SPEN: variants seen among roughly 807,000 people sequenced by gnomAD.
SPEN encodes the protein msx2-interacting protein.
Under a neutral mutation model 269.9 loss-of-function variants are expected in SPEN, and 18 were observed. The observed-to-expected ratio is 0.07, with a 90% CI of 0.05 to 0.10. The LOEUF (loss-of-function observed/expected upper bound fraction) is 0.10. SPEN is among the 10% of genes least tolerant of loss of function. The pLI, the probability that SPEN is intolerant of heterozygous loss-of-function variation, is 1.00. For synonymous variants in SPEN, 1,726 were observed against 1,765.7 expected (o/e 0.98, Z 0.56); for missense variants, 3,822 against 4,631.2 (o/e 0.83, Z 5.07).
At chr1:15,919,902 A>G (rs1323039788) in intron 8 of SPEN, among the ~76,000 whole-genome samples, 2 of 152,184 alleles carry the variant, frequency 1.3e-5, no homozygotes, top group African/African-American at 4.8e-5. Flanking sequence ...ACACAACAGA[A>G]TATTCATCTA....
intron 1 of SPEN, among the ~76,000 whole-genome samples, chr1:15,867,057 A>G (rs889759158): frequency 6.6e-6 from 1 of 152,192 alleles, no homozygotes; most frequent in Non-Finnish European, 1.5e-5. Flanking sequence ...ATATATTCAC[A>G]GAGTTGCGCA....
At chr1:15,927,253 C>G (rs2071176458) in intron 10 of SPEN, among the ~76,000 whole-genome samples, 1 of 152,160 alleles carries the variant, frequency 6.6e-6, no homozygotes, top group African/African-American at 2.4e-5. Flanking sequence ...ATGGTGCTTG[C>G]AGTCATCCCT....
At position 15,929,470 on chromosome 1, in the gene SPEN, G is replaced by C. The variant is rs1395102530; in HGVS notation, c.3230G>C (p.Gly1077Ala). 6.2e-7 allele frequency: 1 copy of C among 1,613,434 alleles called. No individual in the cohort carries two copies. The highest frequency in any genetic ancestry group is 1.1e-5 in the South Asian group (1 of 90,980). The change falls in exon 11 of 15, where the codon GGC becomes GCC. Residue 1077 changes from glycine to alanine, a missense_variant. Coordinates refer to ENST00000375759, the MANE Select transcript of SPEN (RefSeq NM_015001.3). This position sits in a 1 kb window ranked among gnomAD's most constrained non-coding sequence, Gnocchi z 5.8. ...CTTGCCAGTATTTCTGTTGGGTCTG[G>C]CTCAAGGCCCAGCTCAGACCTACAA... is the stretch of plus-strand genomic sequence containing the variant. ...QELASISVGSGSRPSSDLQAR... is the reference protein window; with the variant it reads ...QELASISVGSASRPSSDLQAR...
Position 15,934,382 on chromosome 1 carries a change from G to T in SPEN, c.8142G>T (p.Thr2714=). 3.7e-6 allele frequency: 6 copies of T among 1,613,592 alleles called. No homozygotes were observed. The highest frequency in any genetic ancestry group is 5.1e-6 in the Non-Finnish European group (6 of 1,180,024). The change falls in exon 11 of 15, where the codon ACG becomes ACT. Residue 2714 remains threonine, a synonymous_variant. Coordinates refer to ENST00000375759, the MANE Select transcript of SPEN (RefSeq NM_015001.3). The surrounding 1 kb of genome is among the most constrained non-coding windows in gnomAD (Gnocchi z 9.2). The stretch of plus-strand genomic sequence containing the variant: ...TTCTCACCACTCCAGTGAACGCCAC[G>T]GTGGGCACAGTGAATGCCGCCCCAG... ...VNVLTTPVNA[T]VGTVNAAPGT...
intron 3 of SPEN, among the ~76,000 whole-genome samples, chr1:15,886,439 T>A (rs2070737146): frequency 1.3e-5 from 2 of 152,094 alleles, no homozygotes; most frequent in African/African-American, 4.8e-5. Flanking sequence ...GAGGCTTCCT[T>A]GTTTTGCCAG....
At chr1:15,900,251 C>T (rs1246679778) in intron 3 of SPEN, among the ~76,000 whole-genome samples, 2 of 152,136 alleles carry the variant, frequency 1.3e-5, no homozygotes, top group Non-Finnish European at 2.9e-5. Flanking sequence ...TTCTTCTGAG[C>T]ATTGTACTTT....
rs779755634 is a variant in SPEN, at chr1:15,931,014, C to T, written c.4774C>T (p.Arg1592Trp). Residue 1592 changes from arginine (R) to tryptophan (W), a missense_variant, in exon 11 of 15, where the codon CGG becomes TGG. Coordinates refer to ENST00000375759, the MANE Select transcript of SPEN (RefSeq NM_015001.3). The surrounding 1 kb of genome is among the most constrained non-coding windows in gnomAD (Gnocchi z 4.8). ...LFHSRFMELTRMQQKEKEKDQ... is the reference protein window; with the variant it reads ...LFHSRFMELTWMQQKEKEKDQ... ...CCATAGCAGATTTATGGAGCTCACA[C>T]GGATGCAACAGAAAGAAAAAGAAAA... 8 of 1,613,738 alleles carry T rather than the reference C, an allele frequency of 5.0e-6. No individual in the cohort carries two copies. The highest frequency in any genetic ancestry group is 3.3e-5 in the South Asian group (3 of 91,026).
chr1:15,891,456 A>G (rs6689463), intron 3 of SPEN, among the ~76,000 whole-genome samples: 2,524 of 149,898 alleles, frequency 0.017, 27 homozygotes, highest in Admixed American at 0.028. Context: ...GGTTCACGCC[A>G]TTCTCCTGCC....
intron 3 of SPEN, among the ~76,000 whole-genome samples, chr1:15,906,326 A>G (rs917201301): frequency 1.3e-5 from 2 of 152,088 alleles, no homozygotes; most frequent in African/African-American, 2.4e-5. Flanking sequence ...ATGACAGCTT[A>G]TGATTTTATC....
intron 3 of SPEN, among the ~76,000 whole-genome samples, chr1:15,908,782 A>G (rs2070985236): frequency 6.6e-6 from 1 of 152,144 alleles, no homozygotes; most frequent in South Asian, 2.1e-4. Flanking sequence ...CACACTTGAT[A>G]TTGGGGGAAA....
At chr1:15,892,225 C>G (rs766660278) in intron 3 of SPEN, among the ~76,000 whole-genome samples, 76 of 151,892 alleles carry the variant, frequency 5.0e-4, no homozygotes, top group Non-Finnish European at 1.0e-3. Context: ...GGGGTTTCAC[C>G]TTGTTAGCCA....
rs755838776 is a variant in SPEN at position 15,939,280 on chromosome 1, TCTATC to T, written c.10864-13_10864-9del. On this transcript the variant is annotated splice_polypyrimidine_tract_variant and intron_variant, in intron 14 of 14. Transcript: ENST00000375759. This position sits in a 1 kb window ranked among gnomAD's most constrained non-coding sequence, Gnocchi z 4.1. ...GAAGACAGACGGTCCCACTTTGCTC[TCTATC>T]CTGTCTCCAGCCTGCCTACGTGCTG... is the stretch of plus-strand genomic sequence containing the variant. The T allele has an allele frequency of 9.0e-6, 14 of 1,563,542 alleles. No individual in the cohort carries two copies. The African/African-American group carries it at 1.6e-4, about 18-fold the overall frequency.
chr1:15,879,795 C>T (rs907007775), intron 3 of SPEN, among the ~76,000 whole-genome samples: 4 of 151,872 alleles, frequency 2.6e-5, no homozygotes, highest in Non-Finnish European at 5.9e-5. Flanking sequence ...CTCAGCCTCT[C>T]GAGTAGCTGG....
chr1:15,881,271 T>C (rs1331483529), intron 3 of SPEN, among the ~76,000 whole-genome samples: 1 of 152,202 alleles, frequency 6.6e-6, no homozygotes, highest in East Asian at 1.9e-4. Context: ...GCCCAACTTT[T>C]GGGTTTTATT....
intron 1 of SPEN, among the ~76,000 whole-genome samples, chr1:15,865,874 AT>A (rs1222860872): frequency 0.016 from 2,176 of 137,752 alleles, 21 homozygotes; most frequent in African/African-American, 0.022. Flanking sequence ...AGGAGTTGTA[AT>A]TTTTTTTTTT....
intron 1 of SPEN, among the ~76,000 whole-genome samples, chr1:15,863,240 G>T (rs2148706353): frequency 6.6e-6 from 1 of 152,070 alleles, no homozygotes; most frequent in South Asian, 2.1e-4. Context: ...CAGTGACGCT[G>T]TCTCAGAAAA....
rs2071066338 is a variant in SPEN, at chr1:15,916,264, C to T, written c.1380C>T (p.Arg460=). The T allele has an allele frequency of 1.2e-6, 2 of 1,610,622 alleles. No individual in the cohort carries two copies. The highest frequency in any genetic ancestry group is 8.5e-7 in the Non-Finnish European group (1 of 1,179,180). The change falls in exon 6 of 15, where the codon CGC becomes CGT. Residue 460 remains arginine (R), a synonymous_variant. Transcript: ENST00000375759. ...TYHDLRNIFQ[R]FGEIVDIDIK... The stretch of plus-strand genomic sequence containing the variant: ...ATGACCTTCGCAACATCTTCCAGCG[C>T]TTTGGAGAAATTGTGGTATGTTGCT...
At chr1:15,851,977 C>T (rs756637850) in intron 1 of SPEN, among the ~76,000 whole-genome samples, 73 of 151,674 alleles carry the variant, frequency 4.8e-4, no homozygotes, top group Non-Finnish European at 6.9e-4. Context: ...AGCAAGACTC[C>T]GTCTGGGGAA....
intron 1 of SPEN, among the ~76,000 whole-genome samples, chr1:15,852,627 G>A (rs376814280): frequency 1.3e-5 from 2 of 152,174 alleles, no homozygotes; most frequent in South Asian, 4.1e-4. Context: ...TACCTTTGTT[G>A]CAGACTCGTG....
Sources: gnomAD v4.1 joint callset for allele counts (sites outside exome capture counted in the v4.1 genomes callset) on GRCh38, gnomAD v4.1.1 for gene constraint, Gnocchi (gnomAD v3.1) non-coding constraint, MANE v1.5 for transcripts, NCBI Gene and HGNC (gene_info 2026-07-23, HGNC 2026-07-21) for gene names.